ANKRD44: variants seen among roughly 807,000 people sequenced by gnomAD.
The protein encoded by ANKRD44 is serine/threonine-protein phosphatase 6 regulatory ankyrin repeat subunit B.
ANKRD44 carries 35 observed loss-of-function variants against 116.0 expected under a neutral mutation model. The ratio of observed to expected loss-of-function variants is 0.30; its 90% CI spans 0.23 to 0.40. ANKRD44 has a LOEUF of 0.40. Among genes scored for constraint, ANKRD44 ranks in the 10% least tolerant of loss-of-function variants. The pLI, the probability that ANKRD44 is intolerant of heterozygous loss-of-function variation, is 1.00. For synonymous variants in ANKRD44, 435 were observed against 461.8 expected, an observed-to-expected ratio of 0.94 and a Z score of 0.74; for missense variants, 1,014 against 1,242.6, an observed-to-expected ratio of 0.82 and a Z score of 2.77.
At chr2:197,270,580 C>T (rs1180791898) in intron 1 of ANKRD44, among the ~76,000 whole-genome samples, 2 of 152,138 alleles carry the variant, frequency 1.3e-5, no homozygotes, top group African/African-American at 4.8e-5. Flanking sequence ...AAACAGCAGA[C>T]TAAACGCAGA....
intron 1 of ANKRD44, among the ~76,000 whole-genome samples, chr2:197,240,547 A>G (rs2082070037): frequency 6.6e-6 from 1 of 151,716 alleles, no homozygotes; most frequent in Admixed American, 6.6e-5. Flanking sequence ...TAGTGACACT[A>G]GCAACAGTTG....
At position 196,998,922 on chromosome 2, in the gene ANKRD44, G is replaced by T. The variant is rs1409613304; in HGVS notation, c.2650C>A (p.Gln884Lys). 1 of 1,614,038 alleles carries T rather than the reference G, an allele frequency of 6.2e-7. No individual in the cohort carries two copies. The highest frequency in any genetic ancestry group is 1.3e-5 in the African/African-American group (1 of 74,938). The change falls in exon 24 of 28, where the codon CAG (glutamine) becomes AAG (lysine). Residue 884 changes from glutamine to lysine, a missense_variant. Coordinates refer to ENST00000282272, the MANE Select transcript of ANKRD44 (RefSeq NM_001195144.2). ...AAGCACATACCCACAGCGCCTGCCT[G>T]CCCATTCTCAGCAGCCATCATCAGT... ...TALMMAAENG[Q>K]AGAVDILVNS...
intron 1 of ANKRD44, among the ~76,000 whole-genome samples, chr2:197,287,603 C>T (rs2083441217): frequency 1.3e-5 from 2 of 152,288 alleles, no homozygotes; most frequent in South Asian, 4.1e-4. Context: ...AACCACACAT[C>T]ATTGTGAAGT....
chr2:197,156,834 C>T (rs553271016), intron 2 of ANKRD44, among the ~76,000 whole-genome samples: 8 of 151,480 alleles, frequency 5.3e-5, no homozygotes, highest in African/African-American at 1.2e-4. Context: ...TGAAACAAGT[C>T]GGGCAAAAAA....
At chr2:197,247,484 TAGAG>T (rs1314244830) in intron 1 of ANKRD44, among the ~76,000 whole-genome samples, 1 of 152,186 alleles carries the variant, frequency 6.6e-6, no homozygotes, top group Non-Finnish European at 1.5e-5. Flanking sequence ...CCTGGGTACT[TAGAG>T]AGCAAAACCA....
At chr2:197,078,995 G>GTGTGTA (rs1238304365) in intron 15 of ANKRD44, among the ~76,000 whole-genome samples, 181 bp from the exon 16 acceptor site, 2 of 151,944 alleles carry the variant, frequency 1.3e-5, no homozygotes, top group African/African-American at 2.4e-5. Flanking sequence ...GTGTGTGTGT[G>GTGTGTA]TGTATGTTTT....
At chr2:197,039,562 T>C (rs2076868500) in intron 16 of ANKRD44, among the ~76,000 whole-genome samples, 1 of 152,178 alleles carries the variant, frequency 6.6e-6, no homozygotes, top group African/African-American at 2.4e-5. Context: ...GTCACCCTTC[T>C]ATATTAGCAG....
intron 16 of ANKRD44, among the ~76,000 whole-genome samples, chr2:197,041,288 G>T (rs1358269618): frequency 6.6e-6 from 1 of 152,050 alleles, no homozygotes; most frequent in African/African-American, 2.4e-5. Flanking sequence ...CTCTTCAAGG[G>T]TCTACTTTAT....
chr2:196,990,807 C>A (rs568991478), intron 27 of ANKRD44: 93 of 1,232,180 alleles, frequency 7.5e-5, no homozygotes, highest in Non-Finnish European at 9.0e-5. Flanking sequence ...TTTTTTTAAA[C>A]AAACGAAGTT....
At chr2:197,233,298 C>T (rs998568437) in intron 1 of ANKRD44, among the ~76,000 whole-genome samples, 1 of 152,148 alleles carries the variant, frequency 6.6e-6, no homozygotes, top group Admixed American at 6.6e-5. Context: ...TATGCAAGAG[C>T]GTTTGGTAGT....
At chr2:197,056,421 T>C (rs1048760732) in intron 16 of ANKRD44, among the ~76,000 whole-genome samples, 3 of 152,164 alleles carry the variant, frequency 2.0e-5, no homozygotes, top group African/African-American at 7.2e-5. Flanking sequence ...CTCCATAATG[T>C]ATTATAGTTT....
intron 1 of ANKRD44, among the ~76,000 whole-genome samples, chr2:197,259,241 A>T (rs1372590804): frequency 2.6e-5 from 4 of 152,228 alleles, no homozygotes. Context: ...TGGGCCATTG[A>T]GTCCAGCATT....
At chr2:197,157,232 T>G (rs531302334) in intron 2 of ANKRD44, among the ~76,000 whole-genome samples, 1 of 152,324 alleles carries the variant, frequency 6.6e-6, no homozygotes, top group Non-Finnish European at 1.5e-5. Context: ...TTTATTCAGT[T>G]AATAGAAGAA....
intron 1 of ANKRD44, among the ~76,000 whole-genome samples, chr2:197,211,071 C>A (rs1321129873): frequency 6.6e-6 from 1 of 152,162 alleles, no homozygotes; most frequent in Non-Finnish European, 1.5e-5. Context: ...CATATCCCAC[C>A]CACCCCTATG....
chr2:197,309,964 C>G (rs1163627946), intron 1 of ANKRD44, among the ~76,000 whole-genome samples: 1 of 152,162 alleles, frequency 6.6e-6, no homozygotes. Context: ...GTGGAGGCTC[C>G]GAGCCGACTT....
chr2:197,116,351 T>C, intron 8 of ANKRD44, among the ~76,000 whole-genome samples: 1 of 152,224 alleles, frequency 6.6e-6, no homozygotes, highest in African/African-American at 2.4e-5. Context: ...TCCCTTCCTT[T>C]GAAGGATTCA....
intron 24 of ANKRD44, 83 bp downstream of exon 24, chr2:196,998,824 A>C: frequency 1.3e-6 from 2 of 1,564,828 alleles, no homozygotes. Context: ...TGTATATACT[A>C]TGAGAACAAC....
chr2:197,185,379 C>T (rs560882132), intron 2 of ANKRD44, among the ~76,000 whole-genome samples: 6 of 152,242 alleles, frequency 3.9e-5, no homozygotes, highest in Non-Finnish European at 7.3e-5. Context: ...GACTCGCCTT[C>T]TGAATAAAGC....
chr2:197,287,897 G>C (rs1378575095), intron 1 of ANKRD44, among the ~76,000 whole-genome samples: 1 of 151,616 alleles, frequency 6.6e-6, no homozygotes, highest in Non-Finnish European at 1.5e-5. Context: ...GCACACACCT[G>C]TAGTCCCAGC....
Sources: allele counts gnomAD v4.1 joint callset (sites outside exome capture counted in the v4.1 genomes callset), GRCh38; gene constraint gnomAD v4.1.1; transcripts MANE v1.5; gene names NCBI Gene and HGNC (gene_info 2026-07-23, HGNC 2026-07-21).